Variants in MIB2 observed in about 807,000 individuals in gnomAD.
MIB2 encodes MIB E3 ubiquitin protein ligase 2.
Under a neutral mutation model 96.6 loss-of-function variants are expected in MIB2, and 78 were observed. The observed-to-expected ratio is 0.81, with a 90% CI of 0.67 to 0.97. The LOEUF is 0.97. MIB2 is among the 50% of genes least tolerant of loss of function. MIB2 has a pLI of 0.00. For synonymous variants in MIB2, 820 were observed against 629.5 expected (o/e 1.30, Z -4.53); for missense variants, 1,543 against 1,424.0 (o/e 1.08, Z -1.35).
At chr1:1,616,487 G>T in intron 1 of MIB2, 21 bp from the exon 2 acceptor site, 2 of 1,521,366 alleles carry the variant, frequency 1.3e-6, no homozygotes. Flanking sequence ...TGTGCATCTT[G>T]GCATCTCCCC....
At position 1,627,377 on chromosome 1, in the gene MIB2, C is replaced by T; in HGVS notation, c.1456C>T (p.Gln486Ter). Residue 486 changes from glutamine (Q) to a stop codon, truncating the protein, a stop_gained, in exon 12 of 20, where the codon CAA (glutamine) becomes TAA (stop). Transcript: ENST00000355826. LOFTEE classifies it high-confidence loss of function. ...GQVELIRLLL[Q>*]ARAGVDLPDD... is the part of the protein sequence containing the mutation. Reference sequence around the variant, plus strand: ...GGTGGAGTTGATACGGCTGCTGCTACAAGCCAGGGCGGGCGTGGACCTGCC... The same window carrying T: ...GGTGGAGTTGATACGGCTGCTGCTATAAGCCAGGGCGGGCGTGGACCTGCC... The T allele has an allele frequency of 6.2e-7, 1 of 1,613,054 alleles. No homozygotes were observed. Among genetic ancestry groups the T allele is most frequent in the Non-Finnish European group, 8.5e-7 (1 of 1,179,954 alleles).
rs370015516 is a variant in MIB2 at position 1,625,100 on chromosome 1, T to C, written c.636T>C (p.Arg212=). 1.3e-4 allele frequency: 213 copies of C among 1,613,200 alleles called. 2 individuals carry two copies. The African/African-American group carries it at 2.3e-3, about 17-fold the overall frequency. ...TWADGTTNVY[R]VGHKGKVDLK... is the part of the protein sequence containing the mutation. ...CTGATGGTACCACCAATGTGTACCG[T>C]GTGGGCCACAAGGGCAAGGTGGACC... Residue 212 remains arginine, a synonymous_variant, in exon 6 of 20, where the codon CGT becomes CGC. Transcript: ENST00000355826. This position sits in a 1 kb window ranked among gnomAD's most constrained non-coding sequence, Gnocchi z 5.0.
At chr1:1,627,928 C>T (rs555228794) in intron 13 of MIB2, 91 bp from the exon 14 acceptor site, 1 of 1,600,716 alleles carries the variant, frequency 6.2e-7, no homozygotes, top group East Asian at 2.2e-5. Flanking sequence ...GGCCTGGGTG[C>T]CCCCTGCCCG....
intron 19 of MIB2, 139 bp from the exon 20 acceptor site, chr1:1,630,153 A>ACCCCCCCCC: frequency 7.8e-6 from 3 of 386,576 alleles, no homozygotes; most frequent in South Asian, 2.6e-5. Flanking sequence ...CCTCCAAATC[A>ACCCCCCCCC]CCCACCCCGC....
In MIB2 at chr1:1,627,332, G is replaced by A. The variant is rs567371835; in HGVS notation, c.1411G>A (p.Val471Met). The change falls in exon 12 of 20, where the codon GTG becomes ATG. Residue 471 changes from valine (V) to methionine (M), a missense_variant. Coordinates refer to ENST00000355826, the MANE Select transcript of MIB2 (RefSeq NM_001170687.4). ...TKNQGRTALQ[V>M]AAYLGQVELI... ...GAACCAAGGCAGGACCGCTCTGCAA[G>A]TGGCTGCCTACCTGGGCCAGGTGGA... is the stretch of plus-strand genomic sequence containing the variant. 9 of 1,613,074 alleles carry A rather than the reference G, an allele frequency of 5.6e-6. No homozygotes were observed. Among genetic ancestry groups the A allele is most frequent in the South Asian group, 2.2e-5 (2 of 91,094 alleles).
At position 1,625,527 on chromosome 1, in the gene MIB2, G is replaced by T. The variant is rs1399211767; in HGVS notation, c.865-19G>T. 2.0e-6 allele frequency: 3 copies of T among 1,525,700 alleles called. No homozygotes were observed. The highest frequency in any genetic ancestry group is 2.7e-6 in the Non-Finnish European group (3 of 1,131,262). The allele number at this position is 1,525,700 out of a possible 1,614,324, so 94.5% of individuals were successfully genotyped here. Reference sequence around the variant, plus strand: ...AAGCGTCCAGCCCGACCCAGCCACAGCTCCATGACCCGCCACAGTTTATCG... The same window carrying T: ...AAGCGTCCAGCCCGACCCAGCCACATCTCCATGACCCGCCACAGTTTATCG... On this transcript the variant is annotated intron_variant, in intron 7 of 19. Transcript: ENST00000355826. The surrounding 1 kb of genome is among the most constrained non-coding windows in gnomAD (Gnocchi z 5.0).
chr1:1,629,382 C>G lies in MIB2; in HGVS notation c.2382-3C>G, dbSNP rs752418058. ...CCTCTCAAGCCGCCTCCTCCCCCTG[C>G]AGGGAGCGGCAGGCGGGCGGGGGCG... On this transcript the variant is annotated splice_polypyrimidine_tract_variant and splice_region_variant and intron_variant, in intron 17 of 19. Transcript: ENST00000355826. 1 of 1,442,836 alleles carries G rather than the reference C, an allele frequency of 6.9e-7. No homozygotes were observed. Among genetic ancestry groups the G allele is most frequent in the East Asian group, 2.8e-5 (1 of 35,526 alleles). 89.4% of individuals were successfully genotyped at this position (1,442,836 alleles called of 1,614,324 possible).
intron 1 of MIB2, chr1:1,616,018 C>A: frequency 1.0e-6 from 1 of 984,616 alleles, no homozygotes; most frequent in Non-Finnish European, 1.2e-6. Flanking sequence ...CCGGGACAGA[C>A]CGACAGACGG....
chr1:1,614,550 T>G (rs1007217022), upstream of MIB2: 1 of 152,268 alleles, frequency 6.6e-6, no homozygotes, highest in African/African-American at 2.4e-5. Context: ...ACGAACAGCC[T>G]AGGCTGCAAC....
rs763369629 is a variant in MIB2, at chr1:1,628,360, C to A, written c.1929C>A (p.Leu643=). 7.4e-6 allele frequency: 12 copies of A among 1,612,728 alleles called. No individual in the cohort carries two copies. The highest frequency in any genetic ancestry group is 2.5e-6 in the Non-Finnish European group (3 of 1,179,898). The change falls in exon 15 of 20, where the codon CTC becomes CTA. Residue 643 remains leucine (L), a synonymous_variant. Coordinates refer to ENST00000355826, the MANE Select transcript of MIB2 (RefSeq NM_001170687.4). ...TCACGGCGCTGCATCTGGCTGCCCT[C>A]AACAACCACCGCGAGGTGGCCCAGA... ...DGFTALHLAA[L]NNHREVAQIL... is the part of the protein sequence containing the mutation.
At chr1:1,630,138 C>T (rs1460061256) in intron 19 of MIB2, among the ~76,000 whole-genome samples, 154 bp from the exon 20 acceptor site, 1 of 150,042 alleles carries the variant, frequency 6.7e-6, no homozygotes, top group Non-Finnish European at 1.5e-5. Flanking sequence ...CGGGCCCCAC[C>T]TCTGCCTCCA....
rs762593947 is a variant in MIB2, at chr1:1,629,500, C to T, written c.2497C>T (p.Leu833=). The T allele has an allele frequency of 7.1e-5, 109 of 1,535,716 alleles. 1 individual carries two copies. The East Asian group carries it at 2.5e-3, about 35-fold the overall frequency. Residue 833 remains leucine (L), a synonymous_variant, in exon 18 of 20, where the codon CTG becomes TTG. Transcript: ENST00000355826. ...GCCGGGGCCCGAGGCCGCTGAGTGC[C>T]TGGTGTGCTCCGAGCTGGCGCTGCT... ...AAPGPEAAEC[L]VCSELALLVL... is the part of the protein sequence containing the mutation.
Position 1,629,368 on chromosome 1 carries a change from G to T in MIB2, c.2382-17G>T. Reference sequence around the variant, plus strand: ...GCGGCCTCCGGGCCCCTCTCAAGCCGCCTCCTCCCCCTGCAGGGAGCGGCA... The same window carrying T: ...GCGGCCTCCGGGCCCCTCTCAAGCCTCCTCCTCCCCCTGCAGGGAGCGGCA... On this transcript the variant is annotated splice_polypyrimidine_tract_variant and intron_variant, in intron 17 of 19. Coordinates refer to ENST00000355826, the MANE Select transcript of MIB2 (RefSeq NM_001170687.4). 1 of 1,436,712 alleles carries T rather than the reference G, an allele frequency of 7.0e-7. No homozygotes were observed. Among genetic ancestry groups the T allele is most frequent in the Non-Finnish European group, 9.0e-7 (1 of 1,108,598 alleles). The allele number at this position is 1,436,712 out of a possible 1,614,324, so 89.0% of individuals were successfully genotyped here.
Position 1,625,279 on chromosome 1 carries a change from T to C in MIB2, c.722-7T>C, listed in dbSNP as rs1259120589. Reference sequence around the variant, plus strand: ...CTGCCTGAGGCCTGGTCTGCCACCCTCCGCAGGCAAGCCGGCGGAGCTGCA... The same window carrying C: ...CTGCCTGAGGCCTGGTCTGCCACCCCCCGCAGGCAAGCCGGCGGAGCTGCA... On this transcript the variant is annotated splice_region_variant and splice_polypyrimidine_tract_variant and intron_variant, in intron 6 of 19. Coordinates refer to ENST00000355826, the MANE Select transcript of MIB2 (RefSeq NM_001170687.4). This position sits in a 1 kb window ranked among gnomAD's most constrained non-coding sequence, Gnocchi z 5.0. 4 of 1,593,152 alleles carry C rather than the reference T, an allele frequency of 2.5e-6. No homozygotes were observed. Among genetic ancestry groups the C allele is most frequent in the Non-Finnish European group, 2.6e-6 (3 of 1,172,474 alleles).
chr1:1,622,910 T>C (rs1340993194), intron 2 of MIB2, among the ~76,000 whole-genome samples: 1 of 152,080 alleles, frequency 6.6e-6, no homozygotes, highest in Non-Finnish European at 1.5e-5. Context: ...GTGTTTGCCG[T>C]TTTTCTGTTG....
In MIB2 at chr1:1,626,354, G is replaced by A; in HGVS notation, c.973-296G>A. 1 of 447,022 alleles carries A rather than the reference G, an allele frequency of 2.2e-6. No individual in the cohort carries two copies. 27.7% of individuals were successfully genotyped at this position (447,022 alleles called of 1,614,324 possible). ...GGCCCTGGCCATGTTGCCTGCTGCT[G>A]GTCAGCGTACAGCTTCCCAGGGCCA... On this transcript the variant is annotated intron_variant, in intron 8 of 19. Coordinates refer to ENST00000355826, the MANE Select transcript of MIB2 (RefSeq NM_001170687.4). This position sits in a 1 kb window ranked among gnomAD's most constrained non-coding sequence, Gnocchi z 5.3.
chr1:1,624,680 C>A, intron 4 of MIB2, 115 bp from the exon 5 acceptor site: 1 of 982,278 alleles, frequency 1.0e-6, no homozygotes, highest in Non-Finnish European at 1.6e-6. Flanking sequence ...GCTGCGGAGC[C>A]CAGCAGGCTG....
At position 1,628,312 on chromosome 1, in the gene MIB2, G is replaced by T; in HGVS notation, c.1881G>T (p.Val627=). The stretch of plus-strand genomic sequence containing the variant: ...TTCTGGCTCGGGCGCGGCAGCTGGT[G>T]GACGCCAAGAAGGAGGACGGCTTCA... ...RKILARARQL[V]DAKKEDGFTA... The change falls in exon 15 of 20, where the codon GTG becomes GTT. Residue 627 remains valine (V), a synonymous_variant. Coordinates refer to ENST00000355826, the MANE Select transcript of MIB2 (RefSeq NM_001170687.4). The T allele has an allele frequency of 6.2e-7, 1 of 1,612,894 alleles. No homozygotes were observed. Among genetic ancestry groups the T allele is most frequent in the Non-Finnish European group, 8.5e-7 (1 of 1,179,944 alleles).
rs551963971 is a variant in MIB2, at chr1:1,621,788, CGGGGCACGGATCG to C, written c.-22-1627_-22-1615del. On this transcript the variant is annotated intron_variant, in intron 2 of 19. Coordinates refer to ENST00000355826, the MANE Select transcript of MIB2 (RefSeq NM_001170687.4). ...GGAGTCCTGTGCTCCAACTCGCAGCCGGGGCACGGATCGGGGGCACGGATCGGGAGCCCAGCCC... is the reference window on the plus strand; with the variant it reads ...GGAGTCCTGTGCTCCAACTCGCAGCCGGGGCACGGATCGGGAGCCCAGCCC... Among the ~76,000 whole-genome samples, 251 of 152,328 alleles carry C rather than the reference CGGGGCACGGATCG, an allele frequency of 1.6e-3. 1 individual carries two copies. The highest frequency in any genetic ancestry group is 4.4e-3 in the African/African-American group (181 of 41,580).
Sources: gnomAD v4.1 joint callset for allele counts (sites outside exome capture counted in the v4.1 genomes callset) on GRCh38, gnomAD v4.1.1 for gene constraint, Gnocchi (gnomAD v3.1) non-coding constraint, MANE v1.5 for transcripts, NCBI Gene and HGNC (gene_info 2026-07-23, HGNC 2026-07-21) for gene names.